ZNF90: variants seen among roughly 807,000 people sequenced by gnomAD.
The protein encoded by ZNF90 is zinc finger protein 90, also known as zinc finger protein HTF9.
A neutral mutation model predicts 12.0 loss-of-function variants in ZNF90; 11 were observed. That is an observed-to-expected ratio of 0.92 (90% CI 0.58 to 1.52). ZNF90 has a LOEUF of 1.52. Ranked by LOEUF, ZNF90 falls within the 40% of genes most tolerant of loss-of-function variation. ZNF90 has a pLI of 0.00. For synonymous variants in ZNF90, 232 were observed against 240.1 expected (o/e 0.97, Z 0.31); for missense variants, 765 against 711.5 (o/e 1.08, Z -0.86).
chr19:20,117,136 C>T (rs2089145055), intron 3 of ZNF90, among the ~76,000 whole-genome samples: 2 of 151,622 alleles, frequency 1.3e-5, no homozygotes, highest in South Asian at 2.1e-4. Context: ...TCTACCTCCA[C>T]AGTTCAAGCA....
intron 1 of ZNF90, among the ~76,000 whole-genome samples, chr19:20,080,721 A>G (rs1217657306): frequency 2.6e-5 from 4 of 152,200 alleles, no homozygotes; most frequent in Non-Finnish European, 4.4e-5. Flanking sequence ...ATAGGTGAGA[A>G]GCATAGATGG....
rs1375510316 is a variant in ZNF90, at chr19:20,119,798, T to C, written c.*438T>C. The C allele has an allele frequency of 6.2e-6, 1 of 161,938 alleles. No individual in the cohort carries two copies. Among genetic ancestry groups the C allele is most frequent in the African/African-American group, 2.4e-5 (1 of 41,444 alleles). The allele number at this position is 161,938 out of a possible 1,614,324, so 10.0% of individuals were successfully genotyped here. ...TTGGTAGAGACAGGGTTTTGCCATATTTAACAGGCTGGTCTCCAACTGTGA... is the reference window on the plus strand; with the variant it reads ...TTGGTAGAGACAGGGTTTTGCCATACTTAACAGGCTGGTCTCCAACTGTGA... On this transcript the variant is annotated 3_prime_UTR_variant, in exon 4 of 4. Transcript: ENST00000418063.
chr19:20,117,474 G>A, intron 3 of ZNF90: 1 of 173,514 alleles, frequency 5.8e-6, no homozygotes, highest in Non-Finnish European at 8.9e-6. Context: ...TTCTGGCTCT[G>A]CTGCCCAGGG....
chr19:20,086,857 AAT>A (rs782243807), intron 1 of ZNF90, among the ~76,000 whole-genome samples: 24 of 152,348 alleles, frequency 1.6e-4, no homozygotes, highest in Non-Finnish European at 3.1e-4. Flanking sequence ...ACACAATTTT[AAT>A]ATCTTTTATT....
At chr19:20,097,252 T>A (rs1203242193) in intron 1 of ZNF90, among the ~76,000 whole-genome samples, 3 of 152,210 alleles carry the variant, frequency 2.0e-5, no homozygotes, top group Non-Finnish European at 4.4e-5. Context: ...TGTCTAGAAT[T>A]ACCAGACATG....
chr19:20,084,743 G>A (rs781983025), intron 1 of ZNF90, among the ~76,000 whole-genome samples: 16 of 152,236 alleles, frequency 1.1e-4, no homozygotes, highest in African/African-American at 2.6e-4. Flanking sequence ...AATGATTAGC[G>A]ATGACCACTT....
chr19:20,119,338 T>C lies in ZNF90; in HGVS notation c.1784T>C (p.Val595Ala). 1 of 1,592,716 alleles carries C rather than the reference T, an allele frequency of 6.3e-7. No homozygotes were observed. The highest frequency in any genetic ancestry group is 8.6e-7 in the Non-Finnish European group (1 of 1,169,422). Residue 595 changes from valine to alanine, a missense_variant, in exon 4 of 4, where the codon GTG (valine) becomes GCG (alanine). Coordinates refer to ENST00000418063, the MANE Select transcript of ZNF90 (RefSeq NM_007138.2). ...RIHIGQKAYI[V>A]KNMANL Reference sequence around the variant, plus strand: ...CATATTGGACAGAAAGCCTACATAGTGAAGAACATGGCAAATCTTTGAAAT... The same window carrying C: ...CATATTGGACAGAAAGCCTACATAGCGAAGAACATGGCAAATCTTTGAAAT...
At chr19:20,079,441 G>A (rs901114955) in intron 1 of ZNF90, among the ~76,000 whole-genome samples, 6 of 151,788 alleles carry the variant, frequency 4.0e-5, no homozygotes, top group Admixed American at 1.3e-4. Flanking sequence ...AAATAAAAAC[G>A]TTAGATTTAT....
intron 1 of ZNF90, among the ~76,000 whole-genome samples, chr19:20,084,962 T>C (rs1399601302): frequency 6.6e-6 from 1 of 152,198 alleles, no homozygotes; most frequent in Non-Finnish European, 1.5e-5. Context: ...GCAGTAGCTT[T>C]TGGTAGCTTC....
At chr19:20,089,002 A>C (rs532606210) in intron 1 of ZNF90, among the ~76,000 whole-genome samples, 2 of 152,334 alleles carry the variant, frequency 1.3e-5, no homozygotes, top group East Asian at 3.9e-4. Flanking sequence ...TCCAATTAGC[A>C]GGTAGACACA....
chr19:20,096,529 G>A (rs538086895), intron 1 of ZNF90, among the ~76,000 whole-genome samples: 1 of 152,084 alleles, frequency 6.6e-6, no homozygotes, highest in Non-Finnish European at 1.5e-5. Flanking sequence ...GTGGGCAGGA[G>A]TGGGGGTCGC....
intron 3 of ZNF90, among the ~76,000 whole-genome samples, chr19:20,106,686 C>T (rs553679051): frequency 6.6e-6 from 1 of 152,316 alleles, no homozygotes; most frequent in South Asian, 2.1e-4. Flanking sequence ...ATCTTCTGAC[C>T]TCGTGATCCA....
chr19:20,096,478 T>C (rs939881094), intron 1 of ZNF90, among the ~76,000 whole-genome samples: 1 of 151,208 alleles, frequency 6.6e-6, no homozygotes, highest in Non-Finnish European at 1.5e-5. Flanking sequence ...AGGATTTGGG[T>C]AGGTAAAGGA....
intron 1 of ZNF90, among the ~76,000 whole-genome samples, chr19:20,102,712 CTG>C (rs1471709921): frequency 6.6e-6 from 1 of 152,062 alleles, no homozygotes; most frequent in South Asian, 2.1e-4. Context: ...CTGGGGAAAA[CTG>C]TGGTCCTTAG....
In ZNF90 at chr19:20,119,715, G is replaced by C; in HGVS notation, c.*355G>C. ...TGCTCACTGCAACCTCTTCCTCCTG[G>C]TTCAAGCCATTAACCTGCTTCAGCC... On this transcript the variant is annotated 3_prime_UTR_variant, in exon 4 of 4. Transcript: ENST00000418063. The C allele has an allele frequency of 5.5e-6, 1 of 182,638 alleles. No individual in the cohort carries two copies. Among genetic ancestry groups the C allele is most frequent in the Admixed American group, 5.4e-5 (1 of 18,384 alleles). The allele number at this position is 182,638 out of a possible 1,614,324, so 11.3% of individuals were successfully genotyped here. A position where few individuals can be genotyped will look rare whatever the true frequency, so the allele number is the denominator to read the frequency against.
chr19:20,105,205 A>C lies in ZNF90; in HGVS notation c.131-16A>C. The C allele has an allele frequency of 6.3e-7, 1 of 1,582,012 alleles. No homozygotes were observed. The highest frequency in any genetic ancestry group is 1.7e-4 in the Middle Eastern group (1 of 5,918). On this transcript the variant is annotated splice_polypyrimidine_tract_variant and intron_variant, in intron 2 of 3. Transcript: ENST00000418063. ...AATATGAGGAAGATTCATGTTATTTATTTTTAATAAAACAGGTATTGTTGT... is the reference window on the plus strand; with the variant it reads ...AATATGAGGAAGATTCATGTTATTTCTTTTTAATAAAACAGGTATTGTTGT...
chr19:20,112,086 T>A (rs1434957522), intron 3 of ZNF90, among the ~76,000 whole-genome samples: 1 of 152,096 alleles, frequency 6.6e-6, no homozygotes, highest in African/African-American at 2.4e-5. Context: ...CGCAAGCTTC[T>A]GACCTTGTGA....
chr19:20,102,245 T>G (rs2088995314), intron 1 of ZNF90, among the ~76,000 whole-genome samples: 1 of 152,226 alleles, frequency 6.6e-6, no homozygotes, highest in African/African-American at 2.4e-5. Flanking sequence ...CTAGTTTCAG[T>G]AAACAATCCC....
chr19:20,113,600 C>T (rs1223806165), intron 3 of ZNF90, among the ~76,000 whole-genome samples: 2 of 152,150 alleles, frequency 1.3e-5, no homozygotes, highest in East Asian at 2.0e-4. Flanking sequence ...GAGGCCAAGA[C>T]GGGCGGATCA....
Sources: gnomAD v4.1 joint callset for allele counts (sites outside exome capture counted in the v4.1 genomes callset) on GRCh38, gnomAD v4.1.1 for gene constraint, MANE v1.5 for transcripts, NCBI Gene and HGNC (gene_info 2026-07-23, HGNC 2026-07-21) for gene names.